The following CLSTN2 variants were observed in gnomAD, a reference collection of about 807,000 sequenced individuals.
CLSTN2 encodes the protein calsyntenin 2, also known as calsyntenin-2.
Under a neutral mutation model 101.2 loss-of-function variants are expected in CLSTN2, and 48 were observed. The ratio of observed to expected loss-of-function variants is 0.47; its 90% CI spans 0.38 to 0.60. CLSTN2 has a LOEUF of 0.60. CLSTN2 is among the 20% of genes least tolerant of loss of function. CLSTN2 has a pLI of 0.00. For missense variants in CLSTN2, 1,160 were observed against 1,238.2 expected (o/e 0.94, Z 0.95); for synonymous variants, 481 against 463.6 (o/e 1.04, Z -0.48).
intron 2 of CLSTN2, among the ~76,000 whole-genome samples, chr3:140,380,950 T>C (rs974462404): frequency 6.6e-6 from 1 of 152,236 alleles, no homozygotes; most frequent in African/African-American, 2.4e-5. Flanking sequence ...TTGGAGTCTG[T>C]GTTCGTTTTC....
At chr3:139,943,514 C>T (rs1935168608) in intron 1 of CLSTN2, among the ~76,000 whole-genome samples, 1 of 152,208 alleles carries the variant, frequency 6.6e-6, no homozygotes, top group African/African-American at 2.4e-5. Flanking sequence ...AGATTTCCCT[C>T]CCTCACAGGT....
chr3:140,140,503 A>C (rs1576442504), intron 1 of CLSTN2, among the ~76,000 whole-genome samples: 1 of 152,060 alleles, frequency 6.6e-6, no homozygotes, highest in Non-Finnish European at 1.5e-5. Flanking sequence ...GAAGGCACGA[A>C]CCCCTGCATG....
intron 9 of CLSTN2, among the ~76,000 whole-genome samples, chr3:140,540,649 C>A (rs920315114): frequency 6.6e-6 from 1 of 152,206 alleles, no homozygotes; most frequent in Non-Finnish European, 1.5e-5. Flanking sequence ...GGATTCATGG[C>A]CCCCAGTCCT....
At chr3:140,116,949 T>C (rs2009253581) in intron 1 of CLSTN2, among the ~76,000 whole-genome samples, 1 of 152,174 alleles carries the variant, frequency 6.6e-6, no homozygotes, top group Non-Finnish European at 1.5e-5. Context: ...TTTTTTGACA[T>C]CAGTGTACTA....
At chr3:140,541,731 C>T (rs1489990168) in intron 9 of CLSTN2, among the ~76,000 whole-genome samples, 1 of 152,160 alleles carries the variant, frequency 6.6e-6, no homozygotes, top group Non-Finnish European at 1.5e-5. Flanking sequence ...CGGATGTCTT[C>T]GCCCCTTCCC....
At chr3:140,108,766 CA>C (rs2009104390) in intron 1 of CLSTN2, among the ~76,000 whole-genome samples, 1 of 152,152 alleles carries the variant, frequency 6.6e-6, no homozygotes, top group African/African-American at 2.4e-5. Context: ...AAGAAGCACG[CA>C]TCTAAATATG....
At chr3:140,190,083 G>C (rs1242651458) in intron 2 of CLSTN2, among the ~76,000 whole-genome samples, 1 of 152,152 alleles carries the variant, frequency 6.6e-6, no homozygotes, top group Non-Finnish European at 1.5e-5. Context: ...TTTTATAAGG[G>C]ACCTAATTTT....
chr3:139,966,811 G>A (rs1935608225), intron 1 of CLSTN2, among the ~76,000 whole-genome samples: 1 of 152,068 alleles, frequency 6.6e-6, no homozygotes, highest in African/African-American at 2.4e-5. Flanking sequence ...TTATCTTTTG[G>A]GTCTGTTTGT....
intron 1 of CLSTN2, among the ~76,000 whole-genome samples, chr3:140,146,638 T>C (rs1310243922): frequency 2.0e-5 from 3 of 152,198 alleles, no homozygotes; most frequent in African/African-American, 7.2e-5. Context: ...TAGTACATAC[T>C]AGCAACACAA....
chr3:139,983,592 A>G (rs1168622902), intron 1 of CLSTN2, among the ~76,000 whole-genome samples: 1 of 152,130 alleles, frequency 6.6e-6, no homozygotes, highest in African/African-American at 2.4e-5. Context: ...TGGATTTCTA[A>G]AAGTATAAAA....
At chr3:140,068,372 C>A (rs1006150012) in intron 1 of CLSTN2, among the ~76,000 whole-genome samples, 10 of 152,174 alleles carry the variant, frequency 6.6e-5, no homozygotes, top group African/African-American at 2.4e-4. Context: ...CTTATAAGAC[C>A]TAGAGAAACT....
chr3:140,509,662 A>G (rs901172178), intron 8 of CLSTN2, among the ~76,000 whole-genome samples: 3 of 151,946 alleles, frequency 2.0e-5, no homozygotes, highest in African/African-American at 7.3e-5. Flanking sequence ...GGGGGGCCTC[A>G]TCTCCTCCTG....
chr3:140,078,628 C>T (rs1449707905), intron 1 of CLSTN2, among the ~76,000 whole-genome samples: 1 of 152,064 alleles, frequency 6.6e-6, no homozygotes, highest in Non-Finnish European at 1.5e-5. Context: ...GGTGATCTAC[C>T]AGTGCTGTCT....
At chr3:140,189,852 G>T (rs1057388947) in intron 2 of CLSTN2, among the ~76,000 whole-genome samples, 4 of 152,044 alleles carry the variant, frequency 2.6e-5, no homozygotes, top group Non-Finnish European at 5.9e-5. Flanking sequence ...AAATCAGCAG[G>T]GCATCGTCTG....
chr3:140,111,964 G>A (rs1379101111), intron 1 of CLSTN2, among the ~76,000 whole-genome samples: 1 of 152,082 alleles, frequency 6.6e-6, no homozygotes, highest in East Asian at 1.9e-4. Context: ...TGCAAAAATG[G>A]GCTTCAAATC....
At chr3:140,384,579 G>A (rs888233882) in intron 2 of CLSTN2, among the ~76,000 whole-genome samples, 3 of 152,178 alleles carry the variant, frequency 2.0e-5, no homozygotes, top group Non-Finnish European at 4.4e-5. Context: ...GTTTAAGAAA[G>A]TCCCTTCATT....
chr3:140,428,115 T>C (rs2088592339), intron 5 of CLSTN2, among the ~76,000 whole-genome samples: 2 of 152,218 alleles, frequency 1.3e-5, no homozygotes, highest in Non-Finnish European at 2.9e-5. Context: ...CACTGACCTG[T>C]CCTTTAGAAG....
At chr3:140,004,454 C>T (rs1159205672) in intron 1 of CLSTN2, among the ~76,000 whole-genome samples, 1 of 152,128 alleles carries the variant, frequency 6.6e-6, no homozygotes, top group Non-Finnish European at 1.5e-5. Flanking sequence ...ACAGGGAAAC[C>T]CCATACAGCA....
chr3:140,084,176 G>A (rs1051965052), intron 1 of CLSTN2, among the ~76,000 whole-genome samples: 2 of 152,158 alleles, frequency 1.3e-5, no homozygotes, highest in Non-Finnish European at 2.9e-5. Flanking sequence ...CAAATGGGAT[G>A]CATGTACATC....
Sources: gnomAD v4.1 joint callset for allele counts (sites outside exome capture counted in the v4.1 genomes callset) on GRCh38, gnomAD v4.1.1 for gene constraint, MANE v1.5 for transcripts, NCBI Gene and HGNC (gene_info 2026-07-23, HGNC 2026-07-21) for gene names.